Variants in FSHR observed in about 807,000 individuals in gnomAD.
The protein encoded by FSHR is follicle-stimulating hormone receptor.
In FSHR, 46 loss-of-function variants were observed where a neutral mutation model predicts 52.1. The observed-to-expected ratio is 0.88, with a 90% CI of 0.70 to 1.13. FSHR has a LOEUF of 1.13. Among genes scored for constraint, FSHR ranks in the 50% most tolerant of loss-of-function variants. The pLI, the probability that FSHR is intolerant of heterozygous loss-of-function variation, is 0.00. For missense variants in FSHR, 964 were observed against 834.6 expected (o/e 1.16, Z -1.91); for synonymous variants, 399 against 309.6 (o/e 1.29, Z -3.03).
chr2:49,083,052 C>G (rs1572719680), intron 1 of FSHR, among the ~76,000 whole-genome samples: 1 of 150,838 alleles, frequency 6.6e-6, no homozygotes, highest in Non-Finnish European at 1.5e-5. Context: ...GTCAGATTCA[C>G]CAAAGTTGAA....
At chr2:49,092,399 T>A (rs1053032278) in intron 1 of FSHR, among the ~76,000 whole-genome samples, 1 of 152,222 alleles carries the variant, frequency 6.6e-6, no homozygotes, top group African/African-American at 2.4e-5. Flanking sequence ...CAAAGGCTTC[T>A]AGTACTATGT....
chr2:48,978,034 GTGGATACCCCA>G (rs1675070797), intron 8 of FSHR, among the ~76,000 whole-genome samples: 6 of 152,186 alleles, frequency 3.9e-5, no homozygotes. Flanking sequence ...GAAAAGACCA[GTGGATACCCCA>G]TGGGATTATG....
At chr2:49,127,835 C>CTTTTTT (rs1558456717) in intron 1 of FSHR, among the ~76,000 whole-genome samples, 2 of 11,938 alleles carry the variant, frequency 1.7e-4, no homozygotes, top group African/African-American at 6.8e-4. Flanking sequence ...TCTTCCTCTT[C>CTTTTTT]TTCTTCTTCT....
At chr2:49,122,809 G>T (rs1671865300) in intron 1 of FSHR, among the ~76,000 whole-genome samples, 1 of 152,156 alleles carries the variant, frequency 6.6e-6, no homozygotes, top group African/African-American at 2.4e-5. Context: ...CAGGATCTTG[G>T]GTTCCATTCT....
intron 1 of FSHR, among the ~76,000 whole-genome samples, chr2:49,104,061 A>T (rs1671137322): frequency 6.6e-6 from 1 of 152,124 alleles, no homozygotes; most frequent in South Asian, 2.1e-4. Flanking sequence ...GGGAGATGAT[A>T]GTATCAGTAA....
At chr2:49,022,894 C>G (rs1038777168) in intron 2 of FSHR, among the ~76,000 whole-genome samples, 7 of 152,214 alleles carry the variant, frequency 4.6e-5, no homozygotes, top group African/African-American at 1.4e-4. Flanking sequence ...TGCTAACACA[C>G]ATGAGAACCA....
intron 9 of FSHR, 113 bp from the exon 10 acceptor site, chr2:48,964,079 TTC>T: frequency 9.4e-7 from 1 of 1,061,794 alleles, no homozygotes; most frequent in Non-Finnish European, 1.4e-6. Flanking sequence ...TTTTTTTTTT[TTC>T]TTCTCACATC....
intron 8 of FSHR, among the ~76,000 whole-genome samples, chr2:48,972,103 AG>A (rs558563143): frequency 9.3e-4 from 142 of 152,328 alleles, no homozygotes; most frequent in Non-Finnish European, 1.4e-3. Context: ...TCTAATATGC[AG>A]GTCAGACTTT....
chr2:49,021,606 GCTGGTGCATCTGTGA>G (rs940862160), intron 2 of FSHR, among the ~76,000 whole-genome samples: 7 of 151,788 alleles, frequency 4.6e-5, no homozygotes, highest in Non-Finnish European at 7.4e-5. Flanking sequence ...GCAGCAGTCT[GCTGGTGCATCTGTGA>G]CTGGTGCATC....
chr2:49,111,360 G>A (rs186131865), intron 1 of FSHR, among the ~76,000 whole-genome samples: 10 of 152,134 alleles, frequency 6.6e-5, no homozygotes, highest in Admixed American at 5.2e-4. Flanking sequence ...AGGTGTTTTC[G>A]CCTTTAAAAT....
intron 8 of FSHR, among the ~76,000 whole-genome samples, chr2:48,979,275 T>C (rs1675131530): frequency 6.6e-6 from 1 of 151,992 alleles, no homozygotes. Flanking sequence ...TGAGACCCTG[T>C]CTCTGCAACA....
At chr2:49,090,987 G>A (rs776634779) in intron 1 of FSHR, among the ~76,000 whole-genome samples, 11 of 151,240 alleles carry the variant, frequency 7.3e-5, no homozygotes, top group Non-Finnish European at 1.5e-4. Context: ...GGAGTTTTGA[G>A]AATTCTCTAT....
intron 6 of FSHR, among the ~76,000 whole-genome samples, chr2:48,986,940 AT>A (rs1675541747): frequency 6.6e-6 from 1 of 152,130 alleles, no homozygotes; most frequent in Non-Finnish European, 1.5e-5. Context: ...TTAATTATAT[AT>A]TTTCTATAAA....
chr2:49,063,346 C>A (rs1381829929), intron 2 of FSHR, among the ~76,000 whole-genome samples: 1 of 152,052 alleles, frequency 6.6e-6, no homozygotes. Flanking sequence ...CCTATTTGCA[C>A]TCTGATGTTT....
At chr2:49,122,766 G>A (rs927612513) in intron 1 of FSHR, among the ~76,000 whole-genome samples, 2 of 152,194 alleles carry the variant, frequency 1.3e-5, no homozygotes, top group Non-Finnish European at 2.9e-5. Context: ...TCCTGGTGAA[G>A]AGGGCTGGCT....
chr2:48,998,963 C>A (rs1676143272), intron 4 of FSHR, among the ~76,000 whole-genome samples: 1 of 151,984 alleles, frequency 6.6e-6, no homozygotes, highest in African/African-American at 2.4e-5. Context: ...CACAAGACTG[C>A]AGTCATATGT....
intron 4 of FSHR, among the ~76,000 whole-genome samples, chr2:49,007,479 T>C (rs911994927): frequency 3.3e-5 from 5 of 152,134 alleles, no homozygotes; most frequent in African/African-American, 1.2e-4. Context: ...CAAGGGAGCT[T>C]GTGGACCACT....
chr2:49,080,179 T>C (rs1000845471), intron 1 of FSHR, among the ~76,000 whole-genome samples: 1 of 152,162 alleles, frequency 6.6e-6, no homozygotes, highest in South Asian at 2.1e-4. Context: ...TTGGTGAACA[T>C]TGAAAGGAAA....
chr2:49,096,605 G>A (rs1670829724), intron 1 of FSHR, among the ~76,000 whole-genome samples: 1 of 152,104 alleles, frequency 6.6e-6, no homozygotes, highest in African/African-American at 2.4e-5. Context: ...GAATTTTATG[G>A]TATATGAATA....
Sources: gnomAD v4.1 joint callset for allele counts (sites outside exome capture counted in the v4.1 genomes callset) on GRCh38, gnomAD v4.1.1 for gene constraint, MANE v1.5 for transcripts, NCBI Gene and HGNC (gene_info 2026-07-23, HGNC 2026-07-21) for gene names.